Variants in TMTC1 observed in about 807,000 individuals in gnomAD.
The protein encoded by TMTC1 is transmembrane O-mannosyltransferase targeting cadherins 1, also known as protein O-mannosyl-transferase TMTC1.
In TMTC1, 73 loss-of-function variants were observed where a neutral mutation model predicts 104.8. That is an observed-to-expected ratio of 0.70 (90% confidence interval 0.58 to 0.85). The LOEUF (loss-of-function observed/expected upper bound fraction) is 0.85. Ranked by LOEUF, TMTC1 falls within the 40% of genes least tolerant of loss-of-function variation. The pLI is 0.00. For missense variants in TMTC1, 1,035 were observed against 1,096.1 expected (o/e 0.94, Z 0.79); for synonymous variants, 434 against 428.7 (o/e 1.01, Z -0.15).
intron 1 of TMTC1, among the ~76,000 whole-genome samples, chr12:29,777,234 AC>A (rs1943731761): frequency 6.6e-6 from 1 of 152,016 alleles, no homozygotes; most frequent in Non-Finnish European, 1.5e-5. Flanking sequence ...AGCTGGGACT[AC>A]AGGTGCACAC....
At chr12:29,582,685 G>A (rs967702645) in intron 8 of TMTC1, among the ~76,000 whole-genome samples, 20 of 152,080 alleles carry the variant, frequency 1.3e-4, no homozygotes, top group Admixed American at 1.3e-3. Context: ...TGCTTCAATT[G>A]TTTGCCCCCA....
chr12:29,554,319 T>C (rs299478), intron 10 of TMTC1, among the ~76,000 whole-genome samples: 110,798 of 151,920 alleles, frequency 0.73, 45,060 homozygotes, highest in East Asian at 0.92. Context: ...TCCACCACAG[T>C]TGTACACTTG....
chr12:29,552,554 TA>T lies in TMTC1; in HGVS notation c.1676+4302del, dbSNP rs201855576. Among the ~76,000 whole-genome samples the T allele has an allele frequency of 6.4e-4, 97 of 152,232 alleles. No homozygotes were observed. The East Asian group carries it at 0.017, about 27-fold the overall frequency. Reference sequence around the variant, plus strand: ...CAAGGAGGCAGTAGAGTGCGGTGGTTAGGGGCAGAAGGGCTAGAGCAGGTCT... The same window carrying T: ...CAAGGAGGCAGTAGAGTGCGGTGGTTGGGGCAGAAGGGCTAGAGCAGGTCT... On this transcript the variant is annotated intron_variant, in intron 10 of 17. Coordinates refer to ENST00000539277, the MANE Select transcript of TMTC1 (RefSeq NM_001193451.2).
intron 1 of TMTC1, among the ~76,000 whole-genome samples, chr12:29,780,815 T>C (rs1342892266): frequency 6.6e-6 from 1 of 152,220 alleles, no homozygotes; most frequent in African/African-American, 2.4e-5. Context: ...TATTATTACT[T>C]AAAACTGCAT....
chr12:29,733,315 C>T (rs1168467446), intron 5 of TMTC1, among the ~76,000 whole-genome samples: 3 of 152,160 alleles, frequency 2.0e-5, no homozygotes, highest in Admixed American at 6.5e-5. Context: ...GCCTCCTTCA[C>T]GTCCTCCTTT....
intron 10 of TMTC1, among the ~76,000 whole-genome samples, chr12:29,541,639 A>G (rs926403133): frequency 3.3e-5 from 5 of 149,882 alleles, no homozygotes; most frequent in Non-Finnish European, 4.4e-5. Context: ...TGATACCACA[A>G]TAGTTTTTCA....
intron 8 of TMTC1, among the ~76,000 whole-genome samples, chr12:29,581,810 T>C (rs1185561267): frequency 2.6e-5 from 4 of 152,192 alleles, no homozygotes; most frequent in Non-Finnish European, 5.9e-5. Context: ...GAGGAAGTTA[T>C]ATTACTGAAC....
chr12:29,609,449 T>C (rs943047169), intron 6 of TMTC1, among the ~76,000 whole-genome samples: 3 of 152,238 alleles, frequency 2.0e-5, no homozygotes, highest in Admixed American at 6.5e-5. Context: ...CACCAATGAA[T>C]GTTTAAATTT....
chr12:29,599,881 C>CATATATATGTGTAT lies in TMTC1; in HGVS notation c.1250+4283_1250+4296dup, dbSNP rs1565699436. On this transcript the variant is annotated intron_variant, in intron 7 of 17. Coordinates refer to ENST00000539277, the MANE Select transcript of TMTC1 (RefSeq NM_001193451.2). ...ATTTTCAGGATGTCATTGAGTACAC[C>CATATATATGTGTAT]ATATATATGTGTATATATACATGTG... is the stretch of plus-strand genomic sequence containing the variant. Among the ~76,000 whole-genome samples the CATATATATGTGTAT allele has an allele frequency of 6.2e-3, 912 of 145,950 alleles. 11 individuals carry two copies. The highest frequency in any genetic ancestry group is 0.022 in the African/African-American group (842 of 37,696).
intron 5 of TMTC1, among the ~76,000 whole-genome samples, chr12:29,647,421 C>T (rs959682633): frequency 4.6e-5 from 7 of 152,196 alleles, no homozygotes; most frequent in Admixed American, 4.6e-4. Context: ...TCTCTTTAAA[C>T]ACACAATATA....
intron 5 of TMTC1, among the ~76,000 whole-genome samples, chr12:29,679,754 A>G (rs952790222): frequency 5.3e-5 from 8 of 152,190 alleles, no homozygotes; most frequent in African/African-American, 1.9e-4. Context: ...AGGGTAACCT[A>G]TAAGTAGAGG....
At chr12:29,721,671 T>C (rs1237137951) in intron 5 of TMTC1, among the ~76,000 whole-genome samples, 1 of 152,086 alleles carries the variant, frequency 6.6e-6, no homozygotes, top group African/African-American at 2.4e-5. Flanking sequence ...AAGATTTAAA[T>C]AACACCATTA....
chr12:29,620,495 T>C (rs1412202985), intron 6 of TMTC1, among the ~76,000 whole-genome samples: 2 of 152,140 alleles, frequency 1.3e-5, no homozygotes, highest in Non-Finnish European at 2.9e-5. Context: ...GACTAACAAA[T>C]GAAATCGAAT....
intron 5 of TMTC1, among the ~76,000 whole-genome samples, chr12:29,651,195 A>C (rs933577239): frequency 6.6e-5 from 10 of 152,154 alleles, no homozygotes; most frequent in African/African-American, 2.4e-4. Context: ...AATGGTTGGA[A>C]ATTTTTTTGT....
intron 5 of TMTC1, among the ~76,000 whole-genome samples, chr12:29,727,795 G>GTTTTT (rs1433220080): frequency 4.0e-5 from 4 of 99,510 alleles, no homozygotes; most frequent in African/African-American, 1.3e-4. Flanking sequence ...TTTTTGTTTT[G>GTTTTT]TTTTGTTTTG....
At chr12:29,583,598 G>A (rs766363119) in intron 7 of TMTC1, 24 bp from the exon 8 acceptor site, 21 of 1,603,486 alleles carry the variant, frequency 1.3e-5, no homozygotes, top group Middle Eastern at 1.7e-4. Context: ...TGGAAGGAAC[G>A]GGATTACTTT....
chr12:29,763,674 G>T (rs1438861300), intron 2 of TMTC1, among the ~76,000 whole-genome samples: 1 of 152,192 alleles, frequency 6.6e-6, no homozygotes, highest in Non-Finnish European at 1.5e-5. Context: ...TTTACTGTAG[G>T]ATCTAGGAAG....
chr12:29,591,851 T>C (rs1270289939), intron 7 of TMTC1, among the ~76,000 whole-genome samples: 1 of 152,214 alleles, frequency 6.6e-6, no homozygotes, highest in African/African-American at 2.4e-5. Context: ...CAGCGAATTG[T>C]TGTGTAATAG....
intron 5 of TMTC1, among the ~76,000 whole-genome samples, chr12:29,645,561 G>C (rs1350023994): frequency 6.6e-6 from 1 of 152,164 alleles, no homozygotes; most frequent in Non-Finnish European, 1.5e-5. Flanking sequence ...TTCAACGTCT[G>C]AGAATGTTAG....
Sources: allele counts gnomAD v4.1 joint callset (sites outside exome capture counted in the v4.1 genomes callset), GRCh38; gene constraint gnomAD v4.1.1; transcripts MANE v1.5; gene names NCBI Gene and HGNC (gene_info 2026-07-23, HGNC 2026-07-21).